RPGRIP1L: variants seen among roughly 807,000 people sequenced by gnomAD.
RPGRIP1L encodes the protein RPGRIP1 like.
Under a neutral mutation model 160.4 loss-of-function variants are expected in RPGRIP1L, and 131 were observed. The observed-to-expected ratio is 0.82, with a 90% CI of 0.71 to 0.94. The LOEUF is 0.94. RPGRIP1L is among the 40% of genes least tolerant of loss of function. The pLI, the probability that RPGRIP1L is intolerant of heterozygous loss-of-function variation, is 0.00. For synonymous variants in RPGRIP1L, 510 were observed against 515.8 expected, an observed-to-expected ratio of 0.99 and a Z score of 0.15; for missense variants, 1,522 against 1,535.8, an observed-to-expected ratio of 0.99 and a Z score of 0.15.
chr16:53,698,602 C>G (rs1309124084), intron 2 of RPGRIP1L, among the ~76,000 whole-genome samples: 2 of 143,846 alleles, frequency 1.4e-5, no homozygotes, highest in African/African-American at 5.4e-5. Context: ...GCGCCTCTGC[C>G]CGGCCGCCCC....
At chr16:53,625,054 G>T (rs908352843) in intron 22 of RPGRIP1L, among the ~76,000 whole-genome samples, 2 of 152,052 alleles carry the variant, frequency 1.3e-5, no homozygotes, top group Admixed American at 6.5e-5. Flanking sequence ...ACGGAGTCTC[G>T]CTCACTCAGT....
intron 9 of RPGRIP1L, 101 bp downstream of exon 9, chr16:53,671,409 C>A: frequency 6.6e-6 from 5 of 760,792 alleles, no homozygotes; most frequent in Non-Finnish European, 1.1e-5. Flanking sequence ...TCATTTGTTG[C>A]TAATTCTTTG....
intron 6 of RPGRIP1L, among the ~76,000 whole-genome samples, chr16:53,676,425 T>C (rs1969175438): frequency 6.6e-6 from 1 of 152,016 alleles, no homozygotes; most frequent in Non-Finnish European, 1.5e-5. Context: ...AAATACATCT[T>C]AAAGTCTAAA....
chr16:53,695,305 C>A lies in RPGRIP1L; in HGVS notation c.230+846G>T, dbSNP rs1237091918. The A allele has an allele frequency of 1.0e-5, 7 of 695,216 alleles. No individual in the cohort carries two copies. In the East Asian group the frequency reaches 1.6e-4, roughly 16 times the overall value. The allele number at this position is 695,216 out of a possible 1,614,324, so 43.1% of individuals were successfully genotyped here. On this transcript the variant is annotated intron_variant, in intron 3 of 26. Transcript: ENST00000647211. ...AAAACAGCCATCATCATGACTAAAACCCAACTCAAAGTAAAAGGCCTGCAC... is the reference window on the plus strand; with the variant it reads ...AAAACAGCCATCATCATGACTAAAAACCAACTCAAAGTAAAAGGCCTGCAC...
intron 25 of RPGRIP1L, among the ~76,000 whole-genome samples, chr16:53,607,420 T>C (rs1465373829): frequency 6.6e-6 from 1 of 152,224 alleles, no homozygotes; most frequent in African/African-American, 2.4e-5. Context: ...ACATTGACTA[T>C]ATCATTCAAT....
chr16:53,625,528 G>C (rs1288421011), intron 22 of RPGRIP1L, among the ~76,000 whole-genome samples: 1 of 144,314 alleles, frequency 6.9e-6, no homozygotes, highest in Non-Finnish European at 1.5e-5. Flanking sequence ...GTGAGGGGGG[G>C]GCGCCTCCGC....
At chr16:53,698,181 A>G (rs1277582240) in intron 2 of RPGRIP1L, among the ~76,000 whole-genome samples, 8 of 130,080 alleles carry the variant, frequency 6.2e-5, no homozygotes, top group South Asian at 2.6e-4. Context: ...GCCCCGTCTG[A>G]GAAGTGAGGA....
At chr16:53,637,382 A>T (rs1219492361) in intron 21 of RPGRIP1L, among the ~76,000 whole-genome samples, 1 of 152,146 alleles carries the variant, frequency 6.6e-6, no homozygotes, top group Non-Finnish European at 1.5e-5. Context: ...AAAAGTCAAG[A>T]CCTCTACGCT....
chr16:53,688,930 T>A (rs1327867400), intron 4 of RPGRIP1L, among the ~76,000 whole-genome samples: 2 of 151,966 alleles, frequency 1.3e-5, no homozygotes, highest in Non-Finnish European at 2.9e-5. Context: ...GCCAATTGTA[T>A]TATTTTGGCA....
At chr16:53,668,766 A>G (rs1217271902) in intron 9 of RPGRIP1L, among the ~76,000 whole-genome samples, 1 of 152,218 alleles carries the variant, frequency 6.6e-6, no homozygotes, top group African/African-American at 2.4e-5. Flanking sequence ...ACCCAACAGA[A>G]AGATATAATT....
chr16:53,619,209 C>T lies in RPGRIP1L; in HGVS notation c.3433-1G>A, dbSNP rs1241312606. ...TCTCAATCCGAATTTTTTCTGATGG[C>T]TGTTTAAAGAGCAAAAACAAAAAAC... On this transcript the variant is annotated splice_acceptor_variant, in intron 23 of 26. Coordinates refer to ENST00000647211, the MANE Select transcript of RPGRIP1L (RefSeq NM_015272.5). LOFTEE classifies it high-confidence loss of function. The T allele has an allele frequency of 1.2e-6, 2 of 1,612,452 alleles. No individual in the cohort carries two copies. The highest frequency in any genetic ancestry group is 2.7e-5 in the African/African-American group (2 of 74,858).
intron 22 of RPGRIP1L, among the ~76,000 whole-genome samples, chr16:53,630,467 C>A (rs553460178): frequency 2.3e-4 from 35 of 152,138 alleles, no homozygotes; most frequent in African/African-American, 8.0e-4. Context: ...TAATAATGTT[C>A]ATCTTAAGCA....
chr16:53,605,662 C>G, intron 25 of RPGRIP1L, 48 bp from the exon 26 acceptor site: 1 of 1,604,184 alleles, frequency 6.2e-7, no homozygotes, highest in South Asian at 1.1e-5. Context: ...GAGAAGAAAT[C>G]ACCACGAGAC....
intron 10 of RPGRIP1L, among the ~76,000 whole-genome samples, chr16:53,660,243 T>C (rs1050978087): frequency 3.3e-5 from 5 of 152,174 alleles, no homozygotes; most frequent in Non-Finnish European, 5.9e-5. Flanking sequence ...CTCTAAGCCA[T>C]GTCATCTAAA....
In RPGRIP1L at chr16:53,669,872, T is replaced by G. The variant is rs563770994; in HGVS notation, c.1103+1638A>C. 2.2e-3 allele frequency among the ~76,000 whole-genome samples: 336 copies of G among 152,294 alleles called. 2 individuals carry two copies. The highest frequency in any genetic ancestry group is 7.7e-3 in the African/African-American group (322 of 41,582). On this transcript the variant is annotated intron_variant, in intron 9 of 26. Coordinates refer to ENST00000647211, the MANE Select transcript of RPGRIP1L (RefSeq NM_015272.5). ...CATAACAAAAAAAGAATTCAAGTTT[T>G]AGAGTTTAAAAAAATCTGGGTTTTA...
At chr16:53,674,080 T>C (rs1968960516) in intron 7 of RPGRIP1L, among the ~76,000 whole-genome samples, 1 of 152,180 alleles carries the variant, frequency 6.6e-6, no homozygotes, top group Admixed American at 6.5e-5. Flanking sequence ...AGCACTATCA[T>C]TCTCACTCTC....
chr16:53,653,021 A>C (rs1414975184), intron 14 of RPGRIP1L, 34 bp from the exon 15 acceptor site: 1 of 1,547,756 alleles, frequency 6.5e-7, no homozygotes, highest in Non-Finnish European at 8.9e-7. Context: ...AGAGATTTCA[A>C]AATATTGACA....
chr16:53,686,131 T>C (rs1969992239), intron 6 of RPGRIP1L, among the ~76,000 whole-genome samples: 2 of 152,214 alleles, frequency 1.3e-5, no homozygotes, highest in Non-Finnish European at 2.9e-5. Context: ...TCAGTAGTTA[T>C]AATCAAATGG....
chr16:53,676,256 T>G (rs1446806968), intron 6 of RPGRIP1L, among the ~76,000 whole-genome samples: 1 of 152,094 alleles, frequency 6.6e-6, no homozygotes, highest in Non-Finnish European at 1.5e-5. Context: ...GAATCCAAAT[T>G]TTGCCCAGGG....
Sources: gnomAD v4.1 joint callset for allele counts (sites outside exome capture counted in the v4.1 genomes callset) on GRCh38, gnomAD v4.1.1 for gene constraint, MANE v1.5 for transcripts, NCBI Gene and HGNC (gene_info 2026-07-23, HGNC 2026-07-21) for gene names.